SKAP2: variants seen among roughly 807,000 people sequenced by gnomAD.
SKAP2 encodes the protein src kinase-associated phosphoprotein 2.
In SKAP2, 28 loss-of-function variants were observed where a neutral mutation model predicts 54.9. The observed-to-expected ratio is 0.51, with a 90% CI of 0.38 to 0.70. SKAP2 has a LOEUF of 0.70. Ranked by LOEUF, SKAP2 falls within the 30% of genes least tolerant of loss-of-function variation. The pLI, the probability that SKAP2 is intolerant of heterozygous loss-of-function variation, is 0.00. For synonymous variants in SKAP2, 137 were observed against 134.3 expected, an observed-to-expected ratio of 1.02 and a Z score of -0.14; for missense variants, 356 against 424.1, an observed-to-expected ratio of 0.84 and a Z score of 1.41.
At chr7:26,845,904 C>A (rs1323502796) in intron 3 of SKAP2, among the ~76,000 whole-genome samples, 1 of 151,978 alleles carries the variant, frequency 6.6e-6, no homozygotes. Flanking sequence ...TGCATTCCAG[C>A]CTGGGCAACA....
chr7:26,846,858 G>C (rs190859484), intron 3 of SKAP2, among the ~76,000 whole-genome samples: 7 of 152,218 alleles, frequency 4.6e-5, no homozygotes, highest in Admixed American at 3.3e-4. Context: ...GCAGGCACCT[G>C]TAATCCCAGC....
intron 10 of SKAP2, among the ~76,000 whole-genome samples, chr7:26,688,016 C>CA (rs1486800157): frequency 6.6e-6 from 1 of 151,800 alleles, no homozygotes; most frequent in Admixed American, 6.6e-5. Flanking sequence ...ATTAATTAGC[C>CA]AGCCTGTGAA....
intron 10 of SKAP2, among the ~76,000 whole-genome samples, chr7:26,686,992 C>T (rs1171828391): frequency 6.6e-6 from 1 of 151,944 alleles, no homozygotes; most frequent in African/African-American, 2.4e-5. Flanking sequence ...GCTATGTTGT[C>T]CCATTGCGTT....
At chr7:26,734,296 T>C (rs889548633) in intron 6 of SKAP2, among the ~76,000 whole-genome samples, 3 of 152,210 alleles carry the variant, frequency 2.0e-5, no homozygotes, top group Non-Finnish European at 2.9e-5. Context: ...AATCTGGTCA[T>C]ACAATCCTCT....
At position 26,851,210 on chromosome 7, in the gene SKAP2, G is replaced by C. The variant is rs1380254321; in HGVS notation, c.199+2927C>G. 2.1e-5 allele frequency among the ~76,000 whole-genome samples: 3 copies of C among 140,286 alleles called. No individual in the cohort carries two copies. In the Admixed American group the frequency reaches 2.3e-4, roughly 11 times the overall value. 92.0% of individuals were successfully genotyped at this position (140,286 alleles called of 152,430 possible). A position where few individuals can be genotyped will look rare whatever the true frequency, so the allele number is the denominator to read the frequency against. ...GAGGCAGCTGATCTCTTTAGCCCAGGAACTCGAGACCAGTCTGTGACACGT... is the reference window on the plus strand; with the variant it reads ...GAGGCAGCTGATCTCTTTAGCCCAGCAACTCGAGACCAGTCTGTGACACGT... On this transcript the variant is annotated intron_variant, in intron 3 of 12. Transcript: ENST00000345317.
chr7:26,732,145 T>C (rs189380582), intron 6 of SKAP2, among the ~76,000 whole-genome samples: 64 of 152,326 alleles, frequency 4.2e-4, no homozygotes, highest in Non-Finnish European at 7.2e-4. Flanking sequence ...GGATTTTCCC[T>C]GTTCCAACTT....
rs147143591 is a variant in SKAP2, at chr7:26,805,869, G to A, written c.307+38161C>T. On this transcript the variant is annotated intron_variant, in intron 4 of 12. Transcript: ENST00000345317. ...CACTTTATTGCACATTGCAGACATC[G>A]CACCTTCTACAAGTTGACGGTCTGT... Among the ~76,000 whole-genome samples, 41 of 152,112 alleles carry A rather than the reference G, an allele frequency of 2.7e-4. No individual in the cohort carries two copies. The East Asian group carries it at 7.1e-3, about 27-fold the overall frequency.
At chr7:26,763,205 A>G (rs759561053) in intron 4 of SKAP2, among the ~76,000 whole-genome samples, 5 of 152,148 alleles carry the variant, frequency 3.3e-5, no homozygotes, top group Non-Finnish European at 5.9e-5. Flanking sequence ...TACATGGATA[A>G]AACCAAAGTT....
At chr7:26,800,512 G>A (rs1426385288) in intron 4 of SKAP2, among the ~76,000 whole-genome samples, 4 of 145,798 alleles carry the variant, frequency 2.7e-5, no homozygotes, top group East Asian at 1.9e-4. Context: ...AAAGACCAGA[G>A]CAGAAATAAA....
intron 9 of SKAP2, among the ~76,000 whole-genome samples, chr7:26,716,579 T>C (rs1426659759): frequency 2.6e-5 from 4 of 152,260 alleles, no homozygotes; most frequent in Non-Finnish European, 5.9e-5. Flanking sequence ...GACTAAGTTA[T>C]ATTTATCATT....
intron 4 of SKAP2, among the ~76,000 whole-genome samples, chr7:26,763,574 C>T (rs994768918): frequency 4.6e-5 from 7 of 152,010 alleles, no homozygotes; most frequent in Non-Finnish European, 8.8e-5. Flanking sequence ...TTTGAGATGA[C>T]GTAAAATATC....
At chr7:26,778,632 T>C (rs1783363232) in intron 4 of SKAP2, among the ~76,000 whole-genome samples, 1 of 151,960 alleles carries the variant, frequency 6.6e-6, no homozygotes, top group South Asian at 2.1e-4. Context: ...CCAGTTCAAA[T>C]TCAGCCACTA....
At chr7:26,739,410 T>C (rs1413431381) in intron 5 of SKAP2, among the ~76,000 whole-genome samples, 5 of 152,198 alleles carry the variant, frequency 3.3e-5, no homozygotes, top group Non-Finnish European at 7.3e-5. Flanking sequence ...AATATTGGTG[T>C]TGAAAGAGTG....
intron 4 of SKAP2, among the ~76,000 whole-genome samples, chr7:26,836,259 A>G (rs981620550): frequency 3.9e-5 from 6 of 152,220 alleles, no homozygotes; most frequent in African/African-American, 1.2e-4. Flanking sequence ...AACCTAGGCT[A>G]TACCATTCAG....
chr7:26,785,034 A>G (rs1270884279), intron 4 of SKAP2, among the ~76,000 whole-genome samples: 1 of 152,168 alleles, frequency 6.6e-6, no homozygotes. Flanking sequence ...GGAAATTTTC[A>G]TAATAAAATG....
At chr7:26,737,978 G>A (rs2127960686) in intron 6 of SKAP2, among the ~76,000 whole-genome samples, 1 of 152,234 alleles carries the variant, frequency 6.6e-6, no homozygotes, top group East Asian at 1.9e-4. Flanking sequence ...GGGTACAGCG[G>A]TGTGCACCTG....
chr7:26,740,015 GAATA>G (rs1415669052), intron 4 of SKAP2, 51 bp from the exon 5 acceptor site: 1 of 1,137,594 alleles, frequency 8.8e-7, no homozygotes, highest in African/African-American at 1.6e-5. Flanking sequence ...ATCCATTTCA[GAATA>G]AACAAGTGCC....
chr7:26,682,247 T>A (rs929934743), intron 11 of SKAP2, among the ~76,000 whole-genome samples: 1 of 152,172 alleles, frequency 6.6e-6, no homozygotes, highest in African/African-American at 2.4e-5. Flanking sequence ...GAAGGCCAAG[T>A]CAATAAAGAC....
At chr7:26,845,365 A>T (rs1351750512) in intron 3 of SKAP2, among the ~76,000 whole-genome samples, 1 of 152,112 alleles carries the variant, frequency 6.6e-6, no homozygotes, top group Non-Finnish European at 1.5e-5. Flanking sequence ...ACATATTCCT[A>T]TTTCCTTATA....
Sources: allele counts gnomAD v4.1 joint callset (sites outside exome capture counted in the v4.1 genomes callset), GRCh38; gene constraint gnomAD v4.1.1; transcripts MANE v1.5; gene names NCBI Gene and HGNC (gene_info 2026-07-23, HGNC 2026-07-21).